The following DNAH11 variants were observed in gnomAD, a reference collection of about 807,000 sequenced individuals.
The protein encoded by DNAH11 is dynein axonemal heavy chain 11.
Under a neutral mutation model 526.0 loss-of-function variants are expected in DNAH11, and 442 were observed. That is an observed-to-expected ratio of 0.84 (90% CI 0.78 to 0.91). DNAH11 has a LOEUF of 0.91. Among genes scored for constraint, DNAH11 ranks in the 40% least tolerant of loss-of-function variants. The pLI is 0.00. For synonymous variants in DNAH11, 2,461 were observed against 1,935.9 expected (o/e 1.27, Z -7.12); for missense variants, 6,989 against 5,448.7 (o/e 1.28, Z -8.90).
At chr7:21,661,083 A>T (rs1782225589) in intron 30 of DNAH11, among the ~76,000 whole-genome samples, 1 of 152,116 alleles carries the variant, frequency 6.6e-6, no homozygotes, top group Non-Finnish European at 1.5e-5. Flanking sequence ...CTAGTTAATC[A>T]TTAATAGATC....
intron 35 of DNAH11, among the ~76,000 whole-genome samples, chr7:21,694,255 A>T (rs1292949532): frequency 6.6e-6 from 1 of 152,168 alleles, no homozygotes; most frequent in Non-Finnish European, 1.5e-5. Flanking sequence ...ATAGGTATAC[A>T]TGTGCAATGG....
At chr7:21,580,593 C>T (rs768097992) in intron 8 of DNAH11, among the ~76,000 whole-genome samples, 1 of 152,096 alleles carries the variant, frequency 6.6e-6, no homozygotes, top group Non-Finnish European at 1.5e-5. Flanking sequence ...GCAAGGCTCC[C>T]GCAGGTTCAG....
At chr7:21,644,070 A>G (rs1195361459) in intron 28 of DNAH11, among the ~76,000 whole-genome samples, 1 of 152,198 alleles carries the variant, frequency 6.6e-6, no homozygotes, top group African/African-American at 2.4e-5. Context: ...CACACAAGGA[A>G]ATCTGCCAAC....
chr7:21,868,157 C>A, intron 72 of DNAH11, 150 bp downstream of exon 72: 1 of 713,972 alleles, frequency 1.4e-6, no homozygotes. Context: ...AAATGTAAAG[C>A]TAATAACCCC....
At chr7:21,827,359 T>A (rs1018263448) in intron 65 of DNAH11, among the ~76,000 whole-genome samples, 5 of 152,180 alleles carry the variant, frequency 3.3e-5, no homozygotes, top group Non-Finnish European at 7.4e-5. Context: ...AAGTTGCTGA[T>A]CTGGGAAGCA....
Position 21,852,465 on chromosome 7 carries a change from A to C in DNAH11, c.10897-2A>C. The C allele has an allele frequency of 6.2e-7, 1 of 1,604,580 alleles. No homozygotes were observed. Among genetic ancestry groups the C allele is most frequent in the Non-Finnish European group, 8.5e-7 (1 of 1,174,362 alleles). ...TCCCACACTTTTCTTGGTTTTTATT[A>C]GTTGGTATTGACAAAGCACCAAAAT... On this transcript the variant is annotated splice_acceptor_variant, in intron 66 of 81. Coordinates refer to ENST00000409508, the MANE Select transcript of DNAH11 (RefSeq NM_001277115.2). LOFTEE classifies it high-confidence loss of function.
Position 21,816,615 on chromosome 7 carries a change from T to C in DNAH11, c.10481T>C (p.Leu3494Pro), listed in dbSNP as rs747354470. ...CTAACACACTGTGAGCGCTGGCCTC[T>C]GGTGATAGATCCCCAGCAACAGGGA... ...AILTHCERWPLVIDPQQQGIK... is the reference protein window; with the variant it reads ...AILTHCERWPPVIDPQQQGIK... Residue 3494 changes from leucine (L) to proline (P), a missense_variant, in exon 64 of 82, where the codon CTG (leucine) becomes CCG (proline). Leu to Pro is a moderately conservative substitution (Grantham distance 98, BLOSUM62 -3). Coordinates refer to ENST00000409508, the MANE Select transcript of DNAH11 (RefSeq NM_001277115.2). 2.5e-6 allele frequency: 4 copies of C among 1,613,758 alleles called. No homozygotes were observed. The Admixed American group carries it at 6.7e-5, about 27-fold the overall frequency.
intron 35 of DNAH11, 95 bp from the exon 36 acceptor site, chr7:21,697,980 G>A: frequency 7.7e-7 from 1 of 1,301,224 alleles, no homozygotes; most frequent in Non-Finnish European, 1.1e-6. Flanking sequence ...CTTAGGAATG[G>A]TTAAAATGTT....
Position 21,749,732 on chromosome 7 carries a change from T to A in DNAH11, c.8728T>A (p.Phe2910Ile). The change falls in exon 53 of 82, where the codon TTC becomes ATC. Residue 2910 changes from phenylalanine to isoleucine, a missense_variant. Phe to Ile is a conservative substitution (Grantham distance 21). Transcript: ENST00000409508. ...TGGAGCCAAGAACATGCCCACTGTG[T>A]TCCTGCTGACAGATGCCCAGGTTCT... ...RTGAKNMPTV[F>I]LLTDAQVLDE... 3.1e-6 allele frequency: 5 copies of A among 1,614,006 alleles called. No homozygotes were observed. The highest frequency in any genetic ancestry group is 4.2e-6 in the Non-Finnish European group (5 of 1,179,876).
At chr7:21,665,510 C>G (rs988316137) in intron 30 of DNAH11, among the ~76,000 whole-genome samples, 23 of 152,124 alleles carry the variant, frequency 1.5e-4, no homozygotes, top group African/African-American at 5.6e-4. Flanking sequence ...GAAGTGTCCA[C>G]TCCTTCCCCT....
At chr7:21,622,169 C>G (rs1455192324) in intron 25 of DNAH11, among the ~76,000 whole-genome samples, 1 of 152,132 alleles carries the variant, frequency 6.6e-6, no homozygotes, top group African/African-American at 2.4e-5. Flanking sequence ...TTCTTATACA[C>G]CAATAACAGA....
Position 21,892,524 on chromosome 7 carries a change from A to G in DNAH11, c.12607A>G (p.Ser4203Gly), listed in dbSNP as rs761142020. ...QYIEEMLPPESPALYGLHPNA... is the reference protein window; with the variant it reads ...QYIEEMLPPEGPALYGLHPNA... Reference sequence around the variant, plus strand: ...CATAGAGGAGATGCTTCCTCCAGAAAGCCCGGCACTGTATGGCCTCCACCC... The same window carrying G: ...CATAGAGGAGATGCTTCCTCCAGAAGGCCCGGCACTGTATGGCCTCCACCC... Residue 4203 changes from serine to glycine, a missense_variant, in exon 77 of 82, where the codon AGC becomes GGC. Coordinates refer to ENST00000409508, the MANE Select transcript of DNAH11 (RefSeq NM_001277115.2). The G allele has an allele frequency of 2.5e-6, 4 of 1,613,868 alleles. No homozygotes were observed. In the African/African-American group the frequency reaches 5.3e-5, roughly 22 times the overall value.
At chr7:21,761,625 T>C (rs991050551) in intron 54 of DNAH11, among the ~76,000 whole-genome samples, 2 of 152,182 alleles carry the variant, frequency 1.3e-5, no homozygotes, top group Admixed American at 1.3e-4. Flanking sequence ...TATTTATGTC[T>C]GGAGTTGGTC....
At position 21,900,095 on chromosome 7, in the gene DNAH11, A is replaced by T. The variant is rs773266815; in HGVS notation, c.13278A>T (p.Ala4426=). 2.5e-6 allele frequency: 4 copies of T among 1,613,748 alleles called. No individual in the cohort carries two copies. In the Admixed American group the frequency reaches 5.0e-5, roughly 20 times the overall value. The change falls in exon 81 of 82, where the codon GCA becomes GCT. Residue 4426 remains alanine (A), a synonymous_variant. Transcript: ENST00000409508. ...EDYGHPPREG[A]YLHGLFMEGA... ...ATGGACACCCGCCAAGGGAAGGTGC[A>T]TACCTCCACGGACTCTTCATGGAGG... is the stretch of plus-strand genomic sequence containing the variant.
intron 68 of DNAH11, among the ~76,000 whole-genome samples, chr7:21,858,996 G>C (rs908341764): frequency 6.6e-6 from 1 of 152,012 alleles, no homozygotes; most frequent in African/African-American, 2.4e-5. Context: ...TGCCCCAAGT[G>C]GAAAATTCTA....
intron 56 of DNAH11, among the ~76,000 whole-genome samples, chr7:21,777,729 C>T (rs76029293): frequency 0.032 from 4,911 of 152,242 alleles, 116 homozygotes; most frequent in Non-Finnish European, 0.047. Context: ...AAGCATGTCA[C>T]TATGCAAAGT....
chr7:21,588,805 C>A (rs535082109), intron 11 of DNAH11, among the ~76,000 whole-genome samples, 169 bp downstream of exon 11: 1 of 152,294 alleles, frequency 6.6e-6, no homozygotes, highest in Admixed American at 6.5e-5. Context: ...TGGAATATTT[C>A]TAATGGGACT....
rs898498100 is a variant in DNAH11 at position 21,698,200 on chromosome 7, T to C, written c.6167T>C (p.Leu2056Pro). The C allele has an allele frequency of 1.2e-6, 2 of 1,613,414 alleles. No homozygotes were observed. The highest frequency in any genetic ancestry group is 2.7e-5 in the African/African-American group (2 of 74,896). ...FITLYTLCKELLSKQDHYDWG... is the reference protein window; with the variant it reads ...FITLYTLCKEPLSKQDHYDWG... ...ACGTTGTACACGCTTTGCAAGGAGC[T>C]TCTCTCCAAGCAGGTGAGGGATCAT... The change falls in exon 36 of 82, where the codon CTT becomes CCT. Residue 2056 changes from leucine to proline, a missense_variant. Physicochemically the swap from Leu to Pro is moderately conservative, Grantham distance 98 (BLOSUM62 -3). Transcript: ENST00000409508.
At chr7:21,784,375 A>G (rs1302623972) in intron 57 of DNAH11, 52 bp from the exon 58 acceptor site, 6 of 1,353,590 alleles carry the variant, frequency 4.4e-6, no homozygotes, top group Non-Finnish European at 6.3e-6. Context: ...TTCTTTAGAG[A>G]TATCTGTGAT....
Sources: allele counts gnomAD v4.1 joint callset (sites outside exome capture counted in the v4.1 genomes callset), GRCh38; gene constraint gnomAD v4.1.1; transcripts MANE v1.5; gene names NCBI Gene and HGNC (gene_info 2026-07-23, HGNC 2026-07-21).